PTER: variants seen among roughly 807,000 people sequenced by gnomAD.
PTER encodes the protein N-acetyltaurine hydrolase.
Under a neutral mutation model 29.6 loss-of-function variants are expected in PTER, and 38 were observed. That is an observed-to-expected ratio of 1.28 (90% CI 0.99 to 1.68). The LOEUF is 1.68. Ranked by LOEUF, PTER falls within the 40% of genes most tolerant of loss-of-function variation. The pLI is 0.00. For missense variants in PTER, 482 were observed against 427.8 expected (o/e 1.13, Z -1.12); for synonymous variants, 172 against 154.5 (o/e 1.11, Z -0.84).
chr10:16,492,248 C>T (rs1835925643), intron 3 of PTER, among the ~76,000 whole-genome samples: 1 of 152,170 alleles, frequency 6.6e-6, no homozygotes, highest in Non-Finnish European at 1.5e-5. Flanking sequence ...TTGCAGGGGG[C>T]TGCCCTTGAT....
chr10:16,446,714 T>G lies in PTER; in HGVS notation c.-49+9667T>G, dbSNP rs116174691. On this transcript the variant is annotated intron_variant, in intron 1 of 4. Transcript: ENST00000535784. The stretch of plus-strand genomic sequence containing the variant: ...CATGGTGAGGTCAAAACGCTTAATT[T>G]CTTAATTCTTTCTTTTCTATTTTGA... 7.8e-3 allele frequency among the ~76,000 whole-genome samples: 1,191 copies of G among 152,308 alleles called. 15 individuals carry two copies. Among genetic ancestry groups the G allele is most frequent in the African/African-American group, 0.027 (1,132 of 41,568 alleles).
intron 1 of PTER, among the ~76,000 whole-genome samples, chr10:16,442,309 C>T (rs2133356619): frequency 6.6e-6 from 1 of 152,338 alleles, no homozygotes; most frequent in Non-Finnish European, 1.5e-5. Context: ...CATGTCTCAT[C>T]TCCTACATTC....
chr10:16,507,201 C>CAT (rs55959560), intron 4 of PTER, among the ~76,000 whole-genome samples: 16,094 of 140,216 alleles, frequency 0.11, 917 homozygotes, highest in East Asian at 0.2. Flanking sequence ...GTGGGTGGAG[C>CAT]ATATATATAT....
At chr10:16,461,109 GTA>G (rs1834598164) in intron 1 of PTER, among the ~76,000 whole-genome samples, 1 of 152,096 alleles carries the variant, frequency 6.6e-6, no homozygotes, top group Non-Finnish European at 1.5e-5. Flanking sequence ...AATTATATAA[GTA>G]TATAGATAAA....
At chr10:16,447,098 T>C (rs1379068357) in intron 1 of PTER, among the ~76,000 whole-genome samples, 2 of 112,032 alleles carry the variant, frequency 1.8e-5, no homozygotes, top group Non-Finnish European at 3.5e-5. Flanking sequence ...CTTTTTTTCT[T>C]TTCTTTTTTT....
intron 3 of PTER, among the ~76,000 whole-genome samples, chr10:16,501,351 A>ACG (rs1836334840): frequency 8.1e-6 from 1 of 124,068 alleles, no homozygotes; most frequent in Admixed American, 8.7e-5. Context: ...ACACACACAC[A>ACG]CACACACACA....
intron 3 of PTER, chr10:16,486,859 G>A (rs1835722265): frequency 2.2e-6 from 1 of 450,046 alleles, no homozygotes; most frequent in Admixed American, 4.0e-5. Context: ...TTTCGCATAA[G>A]TCATTTCCTT....
At chr10:16,469,182 G>C (rs1354463981) in intron 1 of PTER, among the ~76,000 whole-genome samples, 1 of 152,148 alleles carries the variant, frequency 6.6e-6, no homozygotes. Context: ...GGCAGAGTGG[G>C]AGTGGGCTGG....
intron 1 of PTER, among the ~76,000 whole-genome samples, chr10:16,456,730 A>G (rs1259626045): frequency 2.0e-5 from 3 of 151,966 alleles, no homozygotes; most frequent in East Asian, 1.9e-4. Context: ...GGCTGTGTCC[A>G]TTGCTAGTGT....
chr10:16,506,069 A>C (rs1319773469), intron 4 of PTER, among the ~76,000 whole-genome samples: 1 of 148,464 alleles, frequency 6.7e-6, no homozygotes, highest in Non-Finnish European at 1.5e-5. Flanking sequence ...AAGTCAGTAG[A>C]GAGGAAGTCT....
intron 1 of PTER, among the ~76,000 whole-genome samples, chr10:16,457,254 C>G (rs922033464): frequency 4.6e-5 from 7 of 151,938 alleles, no homozygotes; most frequent in Non-Finnish European, 1.0e-4. Context: ...ACTCTGTTGC[C>G]CAGGCTGGAG....
chr10:16,485,906 G>A (rs1835676935), intron 2 of PTER, among the ~76,000 whole-genome samples: 2 of 152,114 alleles, frequency 1.3e-5, no homozygotes, highest in East Asian at 1.9e-4. Context: ...TCCAGCCTGA[G>A]TAACATGGTG....
chr10:16,485,623 T>A (rs1219856050), intron 2 of PTER, among the ~76,000 whole-genome samples: 1 of 152,210 alleles, frequency 6.6e-6, no homozygotes, highest in African/African-American at 2.4e-5. Context: ...AGGACTTTAT[T>A]TTTTTAATGT....
chr10:16,443,595 G>A (rs974034821), intron 1 of PTER, among the ~76,000 whole-genome samples: 11 of 152,158 alleles, frequency 7.2e-5, no homozygotes, highest in East Asian at 1.9e-4. Flanking sequence ...CTTAATGCTC[G>A]TGACTTTAAA....
chr10:16,449,049 G>A (rs146797749), intron 1 of PTER, among the ~76,000 whole-genome samples: 1,850 of 152,332 alleles, frequency 0.012, 34 homozygotes, highest in African/African-American at 0.042. Flanking sequence ...AGGCCAAATA[G>A]GAGAGTTGAA....
intron 1 of PTER, among the ~76,000 whole-genome samples, chr10:16,447,191 A>G (rs1834046161): frequency 7.0e-6 from 1 of 141,854 alleles, no homozygotes; most frequent in Non-Finnish European, 1.5e-5. Flanking sequence ...GCCTTGAACT[A>G]TTGGGCTCAA....
At chr10:16,495,771 G>A (rs150207294) in intron 3 of PTER, among the ~76,000 whole-genome samples, 3 of 152,272 alleles carry the variant, frequency 2.0e-5, no homozygotes, top group African/African-American at 7.2e-5. Flanking sequence ...TCAAAGCTCA[G>A]CACAATGGAA....
chr10:16,466,512 C>T lies in PTER; in HGVS notation c.-48-17825C>T, dbSNP rs568554463. On this transcript the variant is annotated intron_variant, in intron 1 of 4. Coordinates refer to ENST00000535784, the MANE Select transcript of PTER (RefSeq NM_001261836.2). The stretch of plus-strand genomic sequence containing the variant: ...CTGGGATTACAGGCATGGGCCACCA[C>T]GCCCAGCTAATTTTTGTATTATTAG... Among the ~76,000 whole-genome samples the T allele has an allele frequency of 3.9e-5, 6 of 152,292 alleles. No homozygotes were observed. In the East Asian group the frequency reaches 9.7e-4, roughly 25 times the overall value.
chr10:16,444,474 T>C (rs1333156005), intron 1 of PTER, among the ~76,000 whole-genome samples: 1 of 152,036 alleles, frequency 6.6e-6, no homozygotes, highest in Non-Finnish European at 1.5e-5. Flanking sequence ...CAGGGAACTT[T>C]ATTCTCGTGC....
Sources: gnomAD v4.1 joint callset for allele counts (sites outside exome capture counted in the v4.1 genomes callset) on GRCh38, gnomAD v4.1.1 for gene constraint, MANE v1.5 for transcripts, NCBI Gene and HGNC (gene_info 2026-07-23, HGNC 2026-07-21) for gene names.